Variants in LRRIQ1 observed in about 807,000 individuals in gnomAD.
LRRIQ1 encodes leucine-rich repeat- and IQ domain-containing protein 1.
In LRRIQ1, 210 loss-of-function variants were observed where a neutral mutation model predicts 211.9. That is an observed-to-expected ratio of 0.99 (90% CI 0.89 to 1.11). The LOEUF is 1.11. LRRIQ1 is among the 50% of genes most tolerant of loss of function. The pLI is 0.00. For missense variants in LRRIQ1, 2,136 were observed against 1,939.5 expected, an observed-to-expected ratio of 1.10 and a Z score of -1.90; for synonymous variants, 699 against 650.1, an observed-to-expected ratio of 1.08 and a Z score of -1.14.
chr12:85,129,514 G>C (rs1257524103), intron 18 of LRRIQ1, among the ~76,000 whole-genome samples: 4 of 152,184 alleles, frequency 2.6e-5, no homozygotes, highest in Non-Finnish European at 5.9e-5. Flanking sequence ...AGCAGGAAAA[G>C]TGGGATGGGA....
intron 24 of LRRIQ1, among the ~76,000 whole-genome samples, chr12:85,227,135 G>A (rs1456721540): frequency 1.3e-5 from 2 of 151,680 alleles, no homozygotes; most frequent in Non-Finnish European, 2.9e-5. Context: ...CACAATGGTT[G>A]AACTAGTTTA....
At chr12:85,204,485 C>T (rs929157992) in intron 24 of LRRIQ1, among the ~76,000 whole-genome samples, 14 of 152,192 alleles carry the variant, frequency 9.2e-5, no homozygotes, top group Admixed American at 8.5e-4. Flanking sequence ...TCAGTGCCAG[C>T]CCATGAAAGC....
intron 19 of LRRIQ1, among the ~76,000 whole-genome samples, chr12:85,138,775 T>C (rs1472499993): frequency 6.6e-6 from 1 of 151,638 alleles, no homozygotes; most frequent in Non-Finnish European, 1.5e-5. Flanking sequence ...AAAGCCTATG[T>C]TAAACAAACA....
chr12:85,175,424 AG>A (rs1366742007), intron 24 of LRRIQ1, among the ~76,000 whole-genome samples: 1 of 152,192 alleles, frequency 6.6e-6, no homozygotes, highest in East Asian at 1.9e-4. Flanking sequence ...TAAATACTAA[AG>A]AGTATTCTTC....
intron 1 of LRRIQ1, among the ~76,000 whole-genome samples, chr12:85,250,969 A>G (rs369364587): frequency 1.3e-5 from 1 of 76,948 alleles, no homozygotes; most frequent in African/African-American, 4.5e-5. Context: ...ATATTATATT[A>G]TATATATTAT....
intron 11 of LRRIQ1, among the ~76,000 whole-genome samples, chr12:85,095,938 T>A (rs977858980): frequency 1.3e-5 from 2 of 152,158 alleles, no homozygotes; most frequent in African/African-American, 2.4e-5. Context: ...TTTGTGTGAA[T>A]AGATGTGAAT....
intron 23 of LRRIQ1, among the ~76,000 whole-genome samples, chr12:85,157,857 G>A (rs1040552958): frequency 1.3e-5 from 2 of 151,612 alleles, no homozygotes; most frequent in African/African-American, 4.8e-5. Context: ...TTTTTGCCAG[G>A]AATTAAGCCA....
chr12:85,155,282 A>G (rs904915089), intron 23 of LRRIQ1, among the ~76,000 whole-genome samples: 2 of 151,572 alleles, frequency 1.3e-5, no homozygotes, highest in Non-Finnish European at 3.0e-5. Context: ...AAGAAAATAT[A>G]AACACCTTGC....
At position 85,142,764 on chromosome 12, in the gene LRRIQ1, C is replaced by G. The variant is rs766093379; in HGVS notation, c.4329+4795C>G. ...GGCTTATCTCACTTAACATAATATC[C>G]TCTTCGTTCATTCACGTTGTTGCAA... is the stretch of plus-strand genomic sequence containing the variant. On this transcript the variant is annotated intron_variant, in intron 19 of 26. Transcript: ENST00000393217. Among the ~76,000 whole-genome samples, 168 of 151,526 alleles carry G rather than the reference C, an allele frequency of 1.1e-3. 1 individual carries two copies. The highest frequency in any genetic ancestry group is 1.4e-3 in the Non-Finnish European group (93 of 67,706).
intron 24 of LRRIQ1, among the ~76,000 whole-genome samples, chr12:85,202,985 A>G (rs1293006632): frequency 6.6e-6 from 1 of 152,134 alleles, no homozygotes; most frequent in African/African-American, 2.4e-5. Context: ...TGGTGGTAGG[A>G]ATTTGATACA....
downstream of LRRIQ1, among the ~76,000 whole-genome samples, chr12:85,264,787 T>C (rs571852763): frequency 6.6e-6 from 1 of 152,196 alleles, no homozygotes; most frequent in South Asian, 2.1e-4. Flanking sequence ...ACCTAGGCAA[T>C]GTTACTATTC....
At chr12:85,192,509 TATATATA>T (rs1892587770) in intron 24 of LRRIQ1, among the ~76,000 whole-genome samples, 2 of 123,148 alleles carry the variant, frequency 1.6e-5, no homozygotes, top group Non-Finnish European at 3.2e-5. Flanking sequence ...TATATATAAA[TATATATA>T]GTTATATAAT....
At chr12:85,163,688 G>A (rs1411096507) in intron 24 of LRRIQ1, among the ~76,000 whole-genome samples, 1 of 151,888 alleles carries the variant, frequency 6.6e-6, no homozygotes, top group Non-Finnish European at 1.5e-5. Context: ...AAGAAAGGAT[G>A]GTAGATATAT....
chr12:85,193,636 A>G (rs1322237909), intron 24 of LRRIQ1, among the ~76,000 whole-genome samples: 1 of 152,018 alleles, frequency 6.6e-6, no homozygotes, highest in Non-Finnish European at 1.5e-5. Context: ...AGATTTTGTC[A>G]CCACCAGACC....
Position 85,065,365 on chromosome 12 carries a change from C to A in LRRIQ1, c.2495C>A (p.Ser832Tyr), listed in dbSNP as rs1882323197. 6.2e-7 allele frequency: 1 copy of A among 1,610,484 alleles called. No homozygotes were observed. The highest frequency in any genetic ancestry group is 1.3e-5 in the African/African-American group (1 of 74,632). ...FLSLRRCGLT[S>Y]LHSLSNCKKL... Reference sequence around the variant, plus strand: ...TCCCTTCGACGCTGTGGATTAACTTCTTTGCACAGCCTGAGTAATTGTAAA... The same window carrying A: ...TCCCTTCGACGCTGTGGATTAACTTATTTGCACAGCCTGAGTAATTGTAAA... The change falls in exon 9 of 27, where the codon TCT (serine) becomes TAT (tyrosine). Residue 832 changes from serine to tyrosine, a missense_variant. Transcript: ENST00000393217.
intron 15 of LRRIQ1, among the ~76,000 whole-genome samples, chr12:85,115,206 A>C (rs1367103131): frequency 6.6e-6 from 1 of 152,206 alleles, no homozygotes; most frequent in Non-Finnish European, 1.5e-5. Flanking sequence ...TTGAGATCTC[A>C]CAGTATTCTG....
At chr12:85,125,630 T>C (rs1289093111) in intron 17 of LRRIQ1, among the ~76,000 whole-genome samples, 2 of 152,218 alleles carry the variant, frequency 1.3e-5, no homozygotes, top group African/African-American at 2.4e-5. Context: ...GAGTAATTTT[T>C]ATTACTCTGG....
downstream of LRRIQ1, among the ~76,000 whole-genome samples, chr12:85,248,403 A>C (rs1047690077): frequency 6.6e-6 from 1 of 151,706 alleles, no homozygotes; most frequent in African/African-American, 2.4e-5. Flanking sequence ...TAGTAGAAGA[A>C]AAATTATTAT....
intron 2 of LRRIQ1, 44 bp from the exon 3 acceptor site, chr12:85,040,446 A>G: frequency 2.5e-6 from 3 of 1,215,862 alleles, no homozygotes; most frequent in Non-Finnish European, 3.4e-6. Context: ...CATAATTTTG[A>G]TAATAAACAC....
Sources: gnomAD v4.1 joint callset for allele counts (sites outside exome capture counted in the v4.1 genomes callset) on GRCh38, gnomAD v4.1.1 for gene constraint, MANE v1.5 for transcripts, NCBI Gene and HGNC (gene_info 2026-07-23, HGNC 2026-07-21) for gene names.